The following MCCC1 variants were observed in gnomAD, a reference collection of about 807,000 sequenced individuals.
MCCC1 encodes methylcrotonyl-CoA carboxylase subunit 1, also known as methylcrotonoyl-CoA carboxylase subunit alpha, mitochondrial.
In MCCC1, 64 loss-of-function variants were observed where a neutral mutation model predicts 83.8. The ratio of observed to expected loss-of-function variants is 0.76; its 90% CI spans 0.62 to 0.94. The LOEUF (loss-of-function observed/expected upper bound fraction) is 0.94, where lower values mean the gene tolerates loss of function less well. Among genes scored for constraint, MCCC1 ranks in the 40% least tolerant of loss-of-function variants. MCCC1 has a pLI of 0.00. For synonymous variants in MCCC1, 322 were observed against 315.4 expected (o/e 1.02, Z -0.22); for missense variants, 807 against 904.7 (o/e 0.89, Z 1.39).
rs796260048 is a variant in MCCC1, at chr3:183,070,294, A to C, written c.761+705T>G. Reference sequence around the variant, plus strand: ...AATAATTTGCTAATATTGAAAAAAAACCCTAAATTTCATCAACAAGAAACA... The same window carrying C: ...AATAATTTGCTAATATTGAAAAAAACCCCTAAATTTCATCAACAAGAAACA... On this transcript the variant is annotated intron_variant, in intron 7 of 18. Coordinates refer to ENST00000265594, the MANE Select transcript of MCCC1 (RefSeq NM_020166.5). 6.6e-5 allele frequency among the ~76,000 whole-genome samples: 10 copies of C among 152,320 alleles called. 1 individual carries two copies. Among genetic ancestry groups the C allele is most frequent in the African/African-American group, 2.2e-4 (9 of 41,580 alleles).
At chr3:183,085,626 T>A (rs1717836539) in intron 4 of MCCC1, among the ~76,000 whole-genome samples, 2 of 84,250 alleles carry the variant, frequency 2.4e-5, no homozygotes, top group African/African-American at 4.4e-5. Flanking sequence ...AAAGACCCTG[T>A]CTTTAAAAAA....
intron 4 of MCCC1, among the ~76,000 whole-genome samples, chr3:183,080,564 C>T (rs926165256): frequency 6.6e-6 from 1 of 151,666 alleles, no homozygotes; most frequent in African/African-American, 2.4e-5. Flanking sequence ...CCAAACTTTC[C>T]CACATTTTCC....
intron 4 of MCCC1, among the ~76,000 whole-genome samples, chr3:183,079,001 C>T (rs966935733): frequency 2.0e-5 from 3 of 152,174 alleles, no homozygotes; most frequent in Non-Finnish European, 4.4e-5. Flanking sequence ...GAGAACAGCG[C>T]AGGAAAGACC....
At chr3:183,059,184 G>A (rs934577879) in intron 7 of MCCC1, among the ~76,000 whole-genome samples, 1 of 152,144 alleles carries the variant, frequency 6.6e-6, no homozygotes, top group Non-Finnish European at 1.5e-5. Flanking sequence ...GCACACACCT[G>A]TAATCCCAGC....
chr3:183,107,943 G>A (rs866321451), intron 1 of MCCC1, among the ~76,000 whole-genome samples: 8 of 152,070 alleles, frequency 5.3e-5, no homozygotes, highest in Non-Finnish European at 8.8e-5. Context: ...ATTTGGGTTT[G>A]CCAAAAATAA....
At chr3:183,115,850 CT>C (rs1719578416) in exon 1 of MCCC1, 3 of 151,774 alleles carry the variant, frequency 2.0e-5, no homozygotes, top group African/African-American at 7.3e-5. Context: ...AAAACTCCAT[CT>C]CAAATTAAAA....
intron 7 of MCCC1, among the ~76,000 whole-genome samples, chr3:183,063,962 G>C (rs1277413639): frequency 2.6e-5 from 4 of 152,196 alleles, no homozygotes; most frequent in Non-Finnish European, 5.9e-5. Context: ...TCCTAAGACA[G>C]AGTGGGTTAA....
At chr3:183,068,008 G>A (rs140337845) in intron 7 of MCCC1, among the ~76,000 whole-genome samples, 7 of 152,212 alleles carry the variant, frequency 4.6e-5, no homozygotes, top group South Asian at 4.1e-4. Context: ...GAACACAAGA[G>A]ATCCTAATAG....
At chr3:183,061,003 C>G (rs138181353) in intron 7 of MCCC1, among the ~76,000 whole-genome samples, 59 of 152,262 alleles carry the variant, frequency 3.9e-4, no homozygotes, top group Non-Finnish European at 6.0e-4. Context: ...AGTGCCTGCG[C>G]TCACTGAAGC....
chr3:183,058,443 C>CT (rs1353216803), intron 7 of MCCC1, among the ~76,000 whole-genome samples: 1 of 152,096 alleles, frequency 6.6e-6, no homozygotes, highest in Non-Finnish European at 1.5e-5. Flanking sequence ...TAGTGAGACT[C>CT]TGTTTCTAAA....
chr3:183,085,610 C>CAGAGCAA (rs1717834901), intron 4 of MCCC1, among the ~76,000 whole-genome samples: 2 of 107,646 alleles, frequency 1.9e-5, no homozygotes, highest in Non-Finnish European at 3.6e-5. Flanking sequence ...GCCTGGGCAA[C>CAGAGCAA]AGAGCAAAGA....
chr3:183,116,171 C>T (rs1719584874), upstream of MCCC1: 1 of 171,346 alleles, frequency 5.8e-6, no homozygotes, highest in Non-Finnish European at 1.3e-5. Context: ...TATGCTGCAC[C>T]TGCGGCTCTC....
chr3:183,023,978 T>C (rs1415468142), intron 15 of MCCC1, among the ~76,000 whole-genome samples: 1 of 152,156 alleles, frequency 6.6e-6, no homozygotes, highest in East Asian at 1.9e-4. Flanking sequence ...AGGCCAGGCG[T>C]GGTGGCTCAC....
intron 16 of MCCC1, among the ~76,000 whole-genome samples, 182 bp from the exon 17 acceptor site, chr3:183,020,419 C>T (rs1712056700): frequency 6.6e-6 from 1 of 151,996 alleles, no homozygotes; most frequent in African/African-American, 2.4e-5. Context: ...ATGGCTTGAG[C>T]CCAGGAGTTC....
At chr3:183,046,291 T>C (rs1714551405) in intron 9 of MCCC1, among the ~76,000 whole-genome samples, 1 of 152,232 alleles carries the variant, frequency 6.6e-6, no homozygotes, top group African/African-American at 2.4e-5. Flanking sequence ...AATGAAATCA[T>C]ATAGTTTGTA....
At chr3:183,033,696 T>C (rs1156855705) in intron 14 of MCCC1, among the ~76,000 whole-genome samples, 1 of 152,202 alleles carries the variant, frequency 6.6e-6, no homozygotes, top group East Asian at 1.9e-4. Context: ...TTTTTGGGCA[T>C]ATTTCTAACA....
At chr3:183,084,116 G>A (rs73053950) in intron 4 of MCCC1, among the ~76,000 whole-genome samples, 1,699 of 152,316 alleles carry the variant, frequency 0.011, 36 homozygotes, top group African/African-American at 0.039. Context: ...ATCTTCTACA[G>A]GCTGGCCTGG....
intron 7 of MCCC1, among the ~76,000 whole-genome samples, chr3:183,070,516 C>G (rs1038462822): frequency 6.6e-6 from 1 of 152,104 alleles, no homozygotes; most frequent in Non-Finnish European, 1.5e-5. Flanking sequence ...AGGTGGATCA[C>G]GAGGTCAGGA....
At chr3:183,111,633 A>C (rs550275757) in intron 1 of MCCC1, among the ~76,000 whole-genome samples, 1 of 152,188 alleles carries the variant, frequency 6.6e-6, no homozygotes, top group Non-Finnish European at 1.5e-5. Flanking sequence ...AAAGTGATAC[A>C]TGCATGTGAG....
Sources: allele counts gnomAD v4.1 joint callset (sites outside exome capture counted in the v4.1 genomes callset), GRCh38; gene constraint gnomAD v4.1.1; transcripts MANE v1.5; gene names NCBI Gene and HGNC (gene_info 2026-07-23, HGNC 2026-07-21).